Variants in MTHFD1 observed in about 807,000 individuals in gnomAD.
MTHFD1 encodes C-1-tetrahydrofolate synthase, cytoplasmic.
Under a neutral mutation model 110.3 loss-of-function variants are expected in MTHFD1, and 44 were observed. That is an observed-to-expected ratio of 0.40 (90% CI 0.31 to 0.51). The LOEUF (loss-of-function observed/expected upper bound fraction) is 0.51, where lower values mean the gene tolerates loss of function less well. MTHFD1 is among the 20% of genes least tolerant of loss of function. The pLI is 0.60. For missense variants in MTHFD1, 909 were observed against 1,173.1 expected, an observed-to-expected ratio of 0.77 and a Z score of 3.29; for synonymous variants, 402 against 428.8, an observed-to-expected ratio of 0.94 and a Z score of 0.77.
intron 10 of MTHFD1, 52 bp downstream of exon 10, chr14:64,425,879 T>C: frequency 6.3e-7 from 1 of 1,590,788 alleles, no homozygotes; most frequent in Non-Finnish European, 8.6e-7. Context: ...TGGTTTTTAG[T>C]TGACAGATAC....
chr14:64,441,611 C>T (rs1025190697), intron 19 of MTHFD1, 158 bp downstream of exon 19: 9 of 677,110 alleles, frequency 1.3e-5, no homozygotes, highest in Admixed American at 8.3e-5. Context: ...TCGAGACCAT[C>T]CTGGCTAACA....
In MTHFD1 at chr14:64,441,423, A is replaced by C; in HGVS notation, c.1854A>C (p.Ala618=). 6.2e-7 allele frequency: 1 copy of C among 1,614,084 alleles called. No homozygotes were observed. Among genetic ancestry groups the C allele is most frequent in the Middle Eastern group, 1.7e-4 (1 of 6,060 alleles). Residue 618 remains alanine (A), a synonymous_variant, in exon 19 of 28, where the codon GCA becomes GCC. Coordinates refer to ENST00000652337, the MANE Select transcript of MTHFD1 (RefSeq NM_005956.4). The stretch of plus-strand genomic sequence containing the variant: ...CACTGACAGTGCTTATGAAGGACGC[A>C]ATCAAGCCCAATCTCATGCAGACAC... ...SGALTVLMKD[A]IKPNLMQTLE...
chr14:64,456,922 G>C (rs2078483872), intron 26 of MTHFD1, among the ~76,000 whole-genome samples: 1 of 152,066 alleles, frequency 6.6e-6, no homozygotes. Context: ...ATTTGATTTG[G>C]AACTTGTGTG....
At chr14:64,454,938 G>A (rs756461104) in intron 26 of MTHFD1, 63 bp downstream of exon 26, 76 of 1,559,412 alleles carry the variant, frequency 4.9e-5, no homozygotes, top group South Asian at 7.8e-5. Flanking sequence ...GTGTGTTGCC[G>A]AAACCATCAA....
In MTHFD1 at chr14:64,417,852, T is replaced by C. The variant is rs755589931; in HGVS notation, c.479-36T>C. Reference sequence around the variant, plus strand: ...GGCATGCGAAGGAGGGCAGCTTCTATCCTCCAACTCTGATGCAGGCTGGCT... The same window carrying C: ...GGCATGCGAAGGAGGGCAGCTTCTACCCTCCAACTCTGATGCAGGCTGGCT... On this transcript the variant is annotated intron_variant, in intron 6 of 27. Coordinates refer to ENST00000652337, the MANE Select transcript of MTHFD1 (RefSeq NM_005956.4). The surrounding 1 kb of genome is among the most constrained non-coding windows in gnomAD (Gnocchi z 4.4). 1.1e-5 allele frequency: 18 copies of C among 1,611,636 alleles called. No individual in the cohort carries two copies. The highest frequency in any genetic ancestry group is 2.7e-5 in the African/African-American group (2 of 74,860).
intron 1 of MTHFD1, among the ~76,000 whole-genome samples, chr14:64,398,407 T>TGTG (rs974649280): frequency 2.0e-5 from 3 of 151,956 alleles, no homozygotes; most frequent in Middle Eastern, 6.3e-3. Context: ...TTAGCTGAAG[T>TGTG]GTGGTGGTGT....
At position 64,408,285 on chromosome 14, in the gene MTHFD1, C is replaced by CCTTTTTTTTTTTTTTTTTTTTTT. The variant is rs34166790; in HGVS notation, c.127-2805_127-2804insCTTTTTTTTTTTTTTTTTTTTTT. On this transcript the variant is annotated intron_variant, in intron 2 of 27. Transcript: ENST00000652337. The stretch of plus-strand genomic sequence containing the variant: ...CCACCTTCAAGGAGAAATCAGCATT[C>CCTTTTTTTTTTTTTTTTTTTTTT]TTTTTTTTTTTTTTTTTTTTGAGAT... 6.6e-5 allele frequency among the ~76,000 whole-genome samples: 8 copies of CCTTTTTTTTTTTTTTTTTTTTTT among 121,208 alleles called. 2 individuals carry two copies. The highest frequency in any genetic ancestry group is 9.3e-5 in the Admixed American group (1 of 10,776). The allele number at this position is 121,208 out of a possible 152,430, so 79.5% of individuals were successfully genotyped here.
rs1242131832 is a variant in MTHFD1, at chr14:64,417,898, T to C, written c.489T>C (p.Ile163=). The change falls in exon 7 of 28, where the codon ATT becomes ATC. Residue 163 remains isoleucine, a synonymous_variant. Transcript: ENST00000652337. This position sits in a 1 kb window ranked among gnomAD's most constrained non-coding sequence, Gnocchi z 4.4. ...TGGCTTTTCTTTCAGGGGTGCCGAT[T>C]GCCGGAAGGCATGCTGTGGTGGTTG... ...LELIKETGVP[I]AGRHAVVVGR... 1 of 1,612,590 alleles carries C rather than the reference T, an allele frequency of 6.2e-7. No individual in the cohort carries two copies. Among genetic ancestry groups the C allele is most frequent in the East Asian group, 2.2e-5 (1 of 44,890 alleles).
Position 64,410,524 on chromosome 14 carries a change from C to A in MTHFD1, c.127-566C>A, listed in dbSNP as rs376520210. Among the ~76,000 whole-genome samples, 18 of 152,298 alleles carry A rather than the reference C, an allele frequency of 1.2e-4. No homozygotes were observed. In the East Asian group the frequency reaches 1.9e-3, roughly 16 times the overall value. Reference sequence around the variant, plus strand: ...TATAGACCTGAGTTGCTGCACCCGGCCTCCTCTCTGTGTTGGGGCCAGCAG... The same window carrying A: ...TATAGACCTGAGTTGCTGCACCCGGACTCCTCTCTGTGTTGGGGCCAGCAG... On this transcript the variant is annotated intron_variant, in intron 2 of 27. Coordinates refer to ENST00000652337, the MANE Select transcript of MTHFD1 (RefSeq NM_005956.4).
At chr14:64,441,752 G>T (rs954767764) in intron 19 of MTHFD1, 8 of 547,098 alleles carry the variant, frequency 1.5e-5, no homozygotes, top group Admixed American at 3.1e-5. Flanking sequence ...GCAGTGAGCC[G>T]AGATCACGCC....
At chr14:64,441,482 AT>A in intron 19 of MTHFD1, 29 bp downstream of exon 19, 4 of 1,610,982 alleles carry the variant, frequency 2.5e-6, no homozygotes, top group Non-Finnish European at 3.4e-6. Context: ...GCCTTCTTGA[AT>A]TGGTTTTGGA....
Position 64,431,624 on chromosome 14 carries a change from G to T in MTHFD1, c.1404G>T (p.Leu468=). 1 of 1,614,092 alleles carries T rather than the reference G, an allele frequency of 6.2e-7. No homozygotes were observed. The highest frequency in any genetic ancestry group is 1.1e-5 in the South Asian group (1 of 91,064). The change falls in exon 14 of 28, where the codon CTG becomes CTT. Residue 468 remains leucine, a synonymous_variant. Coordinates refer to ENST00000652337, the MANE Select transcript of MTHFD1 (RefSeq NM_005956.4). The stretch of plus-strand genomic sequence containing the variant: ...TTGATGCTCGGATATTTCATGAACT[G>T]ACCCAGACAGACAAGGTAGGATGCC... The part of the protein sequence containing the change: ...AAIDARIFHE[L]TQTDKALFNR...
chr14:64,457,279 T>C (rs577194234), intron 26 of MTHFD1, among the ~76,000 whole-genome samples: 2 of 152,258 alleles, frequency 1.3e-5, no homozygotes, highest in East Asian at 3.9e-4. Context: ...TACCTCCTTT[T>C]GGTCTTGCAA....
chr14:64,432,961 C>T (rs777225106), intron 15 of MTHFD1, among the ~76,000 whole-genome samples: 3 of 152,162 alleles, frequency 2.0e-5, no homozygotes, highest in South Asian at 2.1e-4. Flanking sequence ...CGTGTCTCAC[C>T]ATATTGTCCA....
chr14:64,422,132 CA>C (rs1261762024), intron 8 of MTHFD1, among the ~76,000 whole-genome samples: 1 of 152,052 alleles, frequency 6.6e-6, no homozygotes, highest in Non-Finnish European at 1.5e-5. Context: ...TGAATAAAAT[CA>C]AAGCAGTATC....
At chr14:64,409,475 G>T (rs2077964704) in intron 2 of MTHFD1, among the ~76,000 whole-genome samples, 1 of 152,114 alleles carries the variant, frequency 6.6e-6, no homozygotes, top group Admixed American at 6.6e-5. Context: ...GTATAAATAT[G>T]AATGAAATTG....
chr14:64,440,039 C>T (rs2140974029), intron 17 of MTHFD1, 87 bp from the exon 18 acceptor site: 1 of 1,252,684 alleles, frequency 8.0e-7, no homozygotes, highest in South Asian at 1.4e-5. Flanking sequence ...TTGTTTAAGC[C>T]TCAGATGTAA....
At chr14:64,421,337 C>T (rs1885031) in intron 8 of MTHFD1, among the ~76,000 whole-genome samples, 138,759 of 152,270 alleles carry the variant, frequency 0.91, 63,527 homozygotes, top group African/African-American at 0.97. Context: ...ATTGAATTGT[C>T]GAAGGGAGTT....
At position 64,417,737 on chromosome 14, in the gene MTHFD1, A is replaced by G. The variant is rs2078035563; in HGVS notation, c.479-151A>G. 6 of 1,022,752 alleles carry G rather than the reference A, an allele frequency of 5.9e-6. No homozygotes were observed. Among genetic ancestry groups the G allele is most frequent in the Non-Finnish European group, 8.9e-6 (6 of 674,420 alleles). 63.4% of individuals were successfully genotyped at this position (1,022,752 alleles called of 1,614,324 possible). On this transcript the variant is annotated intron_variant, in intron 6 of 27. Coordinates refer to ENST00000652337, the MANE Select transcript of MTHFD1 (RefSeq NM_005956.4). The surrounding 1 kb of genome is among the most constrained non-coding windows in gnomAD (Gnocchi z 4.4). ...TATAGCTGAAACCCTAGAGTTGAGAATATTATTGCCAAAGAAGGAATGCTT... is the reference window on the plus strand; with the variant it reads ...TATAGCTGAAACCCTAGAGTTGAGAGTATTATTGCCAAAGAAGGAATGCTT...
Sources: gnomAD v4.1 joint callset for allele counts (sites outside exome capture counted in the v4.1 genomes callset) on GRCh38, gnomAD v4.1.1 for gene constraint, Gnocchi (gnomAD v3.1) non-coding constraint, MANE v1.5 for transcripts, NCBI Gene and HGNC (gene_info 2026-07-23, HGNC 2026-07-21) for gene names.